The following RGS6 variants were observed in gnomAD, a reference collection of about 807,000 sequenced individuals.
RGS6 encodes the protein regulator of G-protein signaling 6.
RGS6 carries 30 observed loss-of-function variants against 78.5 expected under a neutral mutation model. The observed-to-expected ratio is 0.38, with a 90% CI of 0.29 to 0.52. RGS6 has a LOEUF of 0.52. Ranked by LOEUF, RGS6 falls within the 20% of genes least tolerant of loss-of-function variation. RGS6 has a pLI of 0.85. For synonymous variants in RGS6, 206 were observed against 206.0 expected, an observed-to-expected ratio of 1.00 and a Z score of 0.00; for missense variants, 495 against 609.7, an observed-to-expected ratio of 0.81 and a Z score of 1.98.
intron 17 of RGS6, chr14:72,540,447 G>T: frequency 6.7e-7 from 1 of 1,485,092 alleles, no homozygotes; most frequent in Non-Finnish European, 8.9e-7. Context: ...AGAAGCCATC[G>T]AACTATACCG....
chr14:72,204,499 G>A (rs1289875650), intron 2 of RGS6, among the ~76,000 whole-genome samples: 1 of 152,140 alleles, frequency 6.6e-6, no homozygotes, highest in Non-Finnish European at 1.5e-5. Flanking sequence ...GTCTGTTCAG[G>A]CTGCTATAAC....
chr14:72,603,775 G>T, the RGS6 span, among the ~76,000 whole-genome samples: 1 of 152,186 alleles, frequency 6.6e-6, no homozygotes, highest in Non-Finnish European at 1.5e-5. Flanking sequence ...GAAAGTTCCT[G>T]CTTGGGTGGT....
intron 3 of RGS6, among the ~76,000 whole-genome samples, chr14:72,369,438 T>A (rs1284989463): frequency 6.6e-6 from 1 of 152,182 alleles, no homozygotes; most frequent in Non-Finnish European, 1.5e-5. Context: ...ATAATAAATT[T>A]CTCTTGTTTT....
intron 2 of RGS6, among the ~76,000 whole-genome samples, chr14:72,181,060 G>T: frequency 6.6e-6 from 1 of 152,162 alleles, no homozygotes; most frequent in East Asian, 1.9e-4. Flanking sequence ...GAAAGTTTGG[G>T]CAGCAGCTGG....
chr14:72,589,321 A>C, the RGS6 span, among the ~76,000 whole-genome samples: 2 of 152,230 alleles, frequency 1.3e-5, no homozygotes. Flanking sequence ...AGGCCAAGGC[A>C]GGTATATCAC....
chr14:72,517,785 CT>C (rs2096970763), intron 14 of RGS6, among the ~76,000 whole-genome samples: 1 of 152,198 alleles, frequency 6.6e-6, no homozygotes, highest in Admixed American at 6.5e-5. Context: ...CTTCTGGGAT[CT>C]CTCCTCCATT....
chr14:72,131,999 A>T (rs2096330042), intron 2 of RGS6, among the ~76,000 whole-genome samples: 2 of 152,138 alleles, frequency 1.3e-5, no homozygotes, highest in South Asian at 4.1e-4. Flanking sequence ...TAGAAATCTA[A>T]ACTCAGCTCT....
intron 2 of RGS6, among the ~76,000 whole-genome samples, chr14:72,168,858 G>T (rs1474451885): frequency 1.3e-5 from 2 of 152,140 alleles, no homozygotes; most frequent in East Asian, 1.9e-4. Flanking sequence ...AGCCTTTCTT[G>T]CCCCAGGGTG....
the RGS6 span, among the ~76,000 whole-genome samples, chr14:72,604,051 C>T: frequency 6.6e-6 from 1 of 152,174 alleles, no homozygotes; most frequent in African/African-American, 2.4e-5. Context: ...CAAGCCCACA[C>T]ATCAAACAAA....
At chr14:72,258,512 C>T (rs1176813206) in intron 2 of RGS6, among the ~76,000 whole-genome samples, 3 of 152,192 alleles carry the variant, frequency 2.0e-5, no homozygotes, top group Non-Finnish European at 2.9e-5. Flanking sequence ...TCTCTAGCTT[C>T]TATAGTACCC....
chr14:71,954,801 C>T (rs913809646), intron 1 of RGS6, among the ~76,000 whole-genome samples: 1 of 152,296 alleles, frequency 6.6e-6, no homozygotes, highest in South Asian at 2.1e-4. Flanking sequence ...TCTCTGGTTT[C>T]ATTACCATTT....
At chr14:72,617,395 A>G in the RGS6 span, among the ~76,000 whole-genome samples, 3,675 of 152,246 alleles carry the variant, frequency 0.024, 159 homozygotes, top group African/African-American at 0.085. Context: ...AGTCAGGAGA[A>G]AAAATGTGCC....
At chr14:72,054,476 T>C (rs1180281130) in intron 2 of RGS6, among the ~76,000 whole-genome samples, 1 of 152,180 alleles carries the variant, frequency 6.6e-6, no homozygotes, top group East Asian at 1.9e-4. Flanking sequence ...TTGACTTTAA[T>C]TGGAATCATT....
chr14:72,022,905 C>T (rs189393958), intron 2 of RGS6, among the ~76,000 whole-genome samples: 1 of 152,316 alleles, frequency 6.6e-6, no homozygotes, highest in Non-Finnish European at 1.5e-5. Context: ...CACAGCGATG[C>T]CTACGTTTAT....
intron 1 of RGS6, among the ~76,000 whole-genome samples, chr14:71,956,544 G>A (rs2092808327): frequency 6.6e-6 from 1 of 151,988 alleles, no homozygotes; most frequent in African/African-American, 2.4e-5. Context: ...CAAGTTTGAG[G>A]GCAGGAAGCA....
chr14:71,907,087 C>T, the RGS6 span, among the ~76,000 whole-genome samples: 3 of 152,214 alleles, frequency 2.0e-5, no homozygotes, highest in Non-Finnish European at 4.4e-5. Context: ...TTGAACATCC[C>T]ATATGTGCCA....
chr14:72,183,283 G>T (rs1373857899), intron 2 of RGS6, among the ~76,000 whole-genome samples: 2 of 152,128 alleles, frequency 1.3e-5, no homozygotes, highest in Non-Finnish European at 2.9e-5. Flanking sequence ...CTCAAACCTG[G>T]CTGAATTGCT....
At chr14:72,568,502 A>T (rs2097716665), downstream of RGS6, among the ~76,000 whole-genome samples, 1 of 152,194 alleles carries the variant, frequency 6.6e-6, no homozygotes, top group Non-Finnish European at 1.5e-5. Flanking sequence ...CTGTGTGGGC[A>T]GCGGCCTCTC....
chr14:72,561,984 C>T (rs1054559190), intron 17 of RGS6, among the ~76,000 whole-genome samples: 2 of 152,236 alleles, frequency 1.3e-5, no homozygotes, highest in African/African-American at 4.8e-5. Context: ...CAGCCAGATC[C>T]TTGGCCACCC....
Sources: allele counts gnomAD v4.1 joint callset (sites outside exome capture counted in the v4.1 genomes callset), GRCh38; gene constraint gnomAD v4.1.1; transcripts MANE v1.5; gene names NCBI Gene and HGNC (gene_info 2026-07-23, HGNC 2026-07-21).